UGT2A2: variants seen among roughly 807,000 people sequenced by gnomAD.
The protein encoded by UGT2A2 is UDP glucuronosyltransferase family 2 member A2.
UGT2A2 carries 60 observed loss-of-function variants against 50.7 expected under a neutral mutation model. The observed-to-expected ratio is 1.18, with a 90% CI of 0.96 to 1.47. The LOEUF is 1.47. UGT2A2 is among the 40% of genes most tolerant of loss of function. The pLI is 0.00. For synonymous variants in UGT2A2, 242 were observed against 214.6 expected (o/e 1.13, Z -1.11); for missense variants, 762 against 634.0 (o/e 1.20, Z -2.17).
intron 2 of UGT2A2, among the ~76,000 whole-genome samples, chr4:69,597,462 A>G (rs1400818634): frequency 6.6e-6 from 1 of 152,178 alleles, no homozygotes; most frequent in Non-Finnish European, 1.5e-5. Flanking sequence ...GGCCTTTCAC[A>G]TCATATCTAT....
chr4:69,629,641 C>T (rs548451754), intron 1 of UGT2A2, among the ~76,000 whole-genome samples: 88 of 152,082 alleles, frequency 5.8e-4, no homozygotes, highest in Middle Eastern at 3.4e-3. Context: ...AAACTGCATC[C>T]CGTCACCACA....
Position 69,602,434 on chromosome 4 carries a change from A to G in UGT2A2, c.743-3040T>C, listed in dbSNP as rs981945960. 1.1e-4 allele frequency among the ~76,000 whole-genome samples: 14 copies of G among 126,236 alleles called. 1 individual carries two copies. The East Asian group carries it at 2.9e-3, about 26-fold the overall frequency. 82.8% of individuals were successfully genotyped at this position (126,236 alleles called of 152,430 possible). ...TTTACTGCAGTTAAACAAGAAAAAC[A>G]ATTTTTAGAATAACAAAGATTTAGG... On this transcript the variant is annotated intron_variant, in intron 1 of 5. Transcript: ENST00000604629.
intron 1 of UGT2A2, among the ~76,000 whole-genome samples, chr4:69,625,609 T>A (rs1721010466): frequency 1.3e-5 from 2 of 151,392 alleles, no homozygotes. Flanking sequence ...TGTGGGCTTG[T>A]TTATAGAAAT....
chr4:69,594,730 A>G, intron 4 of UGT2A2, 34 bp from the exon 5 acceptor site: 1 of 1,592,524 alleles, frequency 6.3e-7, no homozygotes. Context: ...GTGGGTGTGT[A>G]ATAATAACAC....
intron 1 of UGT2A2, among the ~76,000 whole-genome samples, chr4:69,602,827 T>C (rs190577623): frequency 7.3e-6 from 1 of 136,770 alleles, no homozygotes; most frequent in East Asian, 2.1e-4. Context: ...AATCAATTTA[T>C]AGATTAATTA....
intron 1 of UGT2A2, among the ~76,000 whole-genome samples, chr4:69,631,777 T>C (rs1311046817): frequency 6.6e-6 from 1 of 152,184 alleles, no homozygotes; most frequent in Non-Finnish European, 1.5e-5. Flanking sequence ...GACATATTAC[T>C]AGGCTCCACT....
intron 1 of UGT2A2, among the ~76,000 whole-genome samples, chr4:69,616,751 A>G (rs1421194530): frequency 6.6e-6 from 1 of 151,768 alleles, no homozygotes; most frequent in East Asian, 1.9e-4. Context: ...TAAATCCTCC[A>G]TTTAGTTGGA....
At position 69,603,314 on chromosome 4, in the gene UGT2A2, A is replaced by G. The variant is rs1177509378; in HGVS notation, c.743-3920T>C. ...TAAGATAGTGAAAAAAAACAAAACCACTTATGTAATGAAATTCATGAATGA... is the reference window on the plus strand; with the variant it reads ...TAAGATAGTGAAAAAAAACAAAACCGCTTATGTAATGAAATTCATGAATGA... On this transcript the variant is annotated intron_variant, in intron 1 of 5. Transcript: ENST00000604629. Among the ~76,000 whole-genome samples, 2 of 136,724 alleles carry G rather than the reference A, an allele frequency of 1.5e-5. 1 individual carries two copies. Among genetic ancestry groups the G allele is most frequent in the Non-Finnish European group, 3.1e-5 (2 of 64,298 alleles). The allele number at this position is 136,724 out of a possible 152,430, so 89.7% of individuals were successfully genotyped here. A position where few individuals can be genotyped will look rare whatever the true frequency, so the allele number is the denominator to read the frequency against.
At chr4:69,616,833 CTTTTT>C (rs4148315) in intron 1 of UGT2A2, among the ~76,000 whole-genome samples, 2 of 127,298 alleles carry the variant, frequency 1.6e-5, no homozygotes, top group Non-Finnish European at 3.3e-5. Flanking sequence ...ATTTTCTTTT[CTTTTT>C]TTTTTTTTTT....
chr4:69,633,987 T>C (rs908239058), intron 1 of UGT2A2, among the ~76,000 whole-genome samples: 1 of 152,142 alleles, frequency 6.6e-6, no homozygotes, highest in Non-Finnish European at 1.5e-5. Flanking sequence ...GGCTCACGCC[T>C]GTAATCTCAG....
At chr4:69,605,248 G>A (rs563135999) in intron 1 of UGT2A2, among the ~76,000 whole-genome samples, 2 of 136,992 alleles carry the variant, frequency 1.5e-5, no homozygotes, top group East Asian at 2.0e-4. Context: ...AATCAAATTA[G>A]AACTCAGGAT....
chr4:69,626,963 T>A (rs1319833578), intron 1 of UGT2A2, among the ~76,000 whole-genome samples: 1 of 151,820 alleles, frequency 6.6e-6, no homozygotes. Flanking sequence ...GACTTCTGTT[T>A]TCGCTGCCTC....
At chr4:69,593,503 A>T (rs761291353) in intron 5 of UGT2A2, among the ~76,000 whole-genome samples, 9 of 151,506 alleles carry the variant, frequency 5.9e-5, no homozygotes, top group Admixed American at 3.3e-4. Context: ...TTTCAGAGAA[A>T]AAAATAAGAC....
At chr4:69,633,369 T>A (rs1721492228) in intron 1 of UGT2A2, among the ~76,000 whole-genome samples, 1 of 152,196 alleles carries the variant, frequency 6.6e-6, no homozygotes, top group South Asian at 2.1e-4. Flanking sequence ...ATATGGCTAG[T>A]AGGTTTACTA....
chr4:69,617,931 A>T (rs1349216603), intron 1 of UGT2A2, among the ~76,000 whole-genome samples: 1 of 151,948 alleles, frequency 6.6e-6, no homozygotes, highest in Non-Finnish European at 1.5e-5. Context: ...AAAATGAAAA[A>T]CAAGACTTTA....
chr4:69,639,590 C>A lies in UGT2A2; in HGVS notation c.51G>T (p.Leu17=). ...CTTCAGTCAGAGTCAAATTAAAAAC[C>A]AGCATCTGGACAAACTTCTTAGGCA... ...FTMPKKFVQM[L]VFNLTLTEVV... Residue 17 remains leucine, a synonymous_variant, in exon 1 of 6, where the codon CTG becomes CTT. Coordinates refer to ENST00000604629, the MANE Select transcript of UGT2A2 (RefSeq NM_001105677.2). The A allele has an allele frequency of 6.2e-7, 1 of 1,609,256 alleles. No homozygotes were observed. Among genetic ancestry groups the A allele is most frequent in the Non-Finnish European group, 8.5e-7 (1 of 1,178,040 alleles).
At chr4:69,591,160 T>C (rs1362681182) in intron 5 of UGT2A2, among the ~76,000 whole-genome samples, 3 of 152,176 alleles carry the variant, frequency 2.0e-5, no homozygotes, top group Non-Finnish European at 4.4e-5. Flanking sequence ...TCTAAAATAT[T>C]TGAAGATATT....
Position 69,596,266 on chromosome 4 carries a change from G to A in UGT2A2, c.1007C>T (p.Ala336Val), listed in dbSNP as rs1718923236. 3 of 1,591,050 alleles carry A rather than the reference G, an allele frequency of 1.9e-6. No homozygotes were observed. Among genetic ancestry groups the A allele is most frequent in the Non-Finnish European group, 2.6e-6 (3 of 1,168,218 alleles). Residue 336 changes from alanine to valine, a missense_variant, in exon 3 of 6, where the codon GCC becomes GTC. Transcript: ENST00000604629. ...EKANLIASALAQIPQKVLWRY... is the reference protein window; with the variant it reads ...EKANLIASALVQIPQKVLWRY... ...TGTACTGACCTTCTGTGGAATCTGGGCAAGGGCTGAGGCAATAAGATTGGC... is the reference window on the plus strand; with the variant it reads ...TGTACTGACCTTCTGTGGAATCTGGACAAGGGCTGAGGCAATAAGATTGGC...
At chr4:69,632,211 G>A (rs904385416) in intron 1 of UGT2A2, among the ~76,000 whole-genome samples, 4 of 152,090 alleles carry the variant, frequency 2.6e-5, no homozygotes, top group African/African-American at 9.7e-5. Flanking sequence ...AAATATAACA[G>A]AAATTACAAA....
Sources: gnomAD v4.1 joint callset for allele counts (sites outside exome capture counted in the v4.1 genomes callset) on GRCh38, gnomAD v4.1.1 for gene constraint, MANE v1.5 for transcripts, NCBI Gene and HGNC (gene_info 2026-07-23, HGNC 2026-07-21) for gene names.